The following NTNG1 variants were observed in gnomAD, a reference collection of about 807,000 sequenced individuals.
NTNG1 encodes netrin-G1.
Under a neutral mutation model 54.0 loss-of-function variants are expected in NTNG1, and 16 were observed. The observed-to-expected ratio is 0.30, with a 90% CI of 0.20 to 0.45. The LOEUF is 0.45. Ranked by LOEUF, NTNG1 falls within the 20% of genes least tolerant of loss-of-function variation. The pLI, the probability that NTNG1 is intolerant of heterozygous loss-of-function variation, is 1.00. For synonymous variants in NTNG1, 255 were observed against 263.1 expected (o/e 0.97, Z 0.30); for missense variants, 530 against 678.7 (o/e 0.78, Z 2.43).
In NTNG1 at chr1:107,148,729, G is replaced by A. The variant is rs1394230363; in HGVS notation, c.136G>A (p.Asp46Asn). 2 of 1,613,782 alleles carry A rather than the reference G, an allele frequency of 1.2e-6. No homozygotes were observed. Among genetic ancestry groups the A allele is most frequent in the Non-Finnish European group, 1.7e-6 (2 of 1,179,778 alleles). ...QIYTEEGKVW[D>N]YMACQPESTD... ...TTACACGGAAGAAGGGAAAGTTTGG[G>A]ATTACATGGCCTGCCAGCCGGAATC... is the stretch of plus-strand genomic sequence containing the variant. The change falls in exon 2 of 8, where the codon GAT (aspartate) becomes AAT (asparagine). Residue 46 changes from aspartate (D) to asparagine (N), a missense_variant. Physicochemically the swap from Asp to Asn is conservative, Grantham distance 23 (BLOSUM62 1). Around this residue, in one of 2 missense-constraint regions of NTNG1, gnomAD observed 318 missense variants for 465.1 expected, o/e 0.68. Coordinates refer to ENST00000370068, the MANE Select transcript of NTNG1 (RefSeq NM_001113226.3).
chr1:107,413,014 G>A (rs546786422), intron 5 of NTNG1, among the ~76,000 whole-genome samples: 4 of 152,130 alleles, frequency 2.6e-5, no homozygotes, highest in African/African-American at 7.2e-5. Context: ...TTTAATGATG[G>A]TGTGTTTCTG....
At chr1:107,228,993 C>T (rs372861590) in intron 2 of NTNG1, among the ~76,000 whole-genome samples, 55 of 152,202 alleles carry the variant, frequency 3.6e-4, no homozygotes, top group African/African-American at 1.3e-3. Context: ...TCCTCACCAG[C>T]AGGAAACTGA....
chr1:107,444,431 C>A (rs1387138187), intron 7 of NTNG1, among the ~76,000 whole-genome samples: 2 of 152,042 alleles, frequency 1.3e-5, no homozygotes, highest in East Asian at 1.9e-4. Context: ...AGCATCATAT[C>A]CTAAATACAT....
intron 2 of NTNG1, among the ~76,000 whole-genome samples, chr1:107,298,267 T>G (rs996307987): frequency 6.6e-6 from 1 of 152,170 alleles, no homozygotes; most frequent in Non-Finnish European, 1.5e-5. Flanking sequence ...AATTTTTAAA[T>G]TATTGGAGAT....
intron 2 of NTNG1, among the ~76,000 whole-genome samples, chr1:107,200,065 C>G (rs900298077): frequency 6.6e-6 from 1 of 151,774 alleles, no homozygotes; most frequent in African/African-American, 2.4e-5. Context: ...TGATTTGTTC[C>G]TTCTTTAGCC....
At chr1:107,146,169 T>C (rs1011054490) in intron 1 of NTNG1, among the ~76,000 whole-genome samples, 1 of 152,076 alleles carries the variant, frequency 6.6e-6, no homozygotes, top group Non-Finnish European at 1.5e-5. Flanking sequence ...CCATTCAAAC[T>C]CAAAACAGTC....
At chr1:107,371,971 A>G (rs1670945038) in intron 3 of NTNG1, among the ~76,000 whole-genome samples, 1 of 152,046 alleles carries the variant, frequency 6.6e-6, no homozygotes, top group Non-Finnish European at 1.5e-5. Context: ...TCAGCCCTCA[A>G]AAACATTTTA....
rs1195487445 is a variant in NTNG1, at chr1:107,455,533, G to A, written c.1390+18734G>A. On this transcript the variant is annotated intron_variant, in intron 7 of 7. Transcript: ENST00000370068. Reference sequence around the variant, plus strand: ...TTCTTCAACAGCTGTGTTAGTGTGCGTAAAAAGTAATAAATGCCTGACTCG... The same window carrying A: ...TTCTTCAACAGCTGTGTTAGTGTGCATAAAAAGTAATAAATGCCTGACTCG... The A allele has an allele frequency of 4.4e-5, 19 of 434,528 alleles. No homozygotes were observed. In the East Asian group the frequency reaches 9.3e-4, roughly 21 times the overall value. 26.9% of individuals were successfully genotyped at this position (434,528 alleles called of 1,614,324 possible). A position where few individuals can be genotyped will look rare whatever the true frequency, so the allele number is the denominator to read the frequency against.
intron 3 of NTNG1, chr1:107,333,940 T>G (rs192562492): frequency 6.6e-6 from 1 of 151,992 alleles, no homozygotes; most frequent in Admixed American, 6.6e-5. Flanking sequence ...TTTTTTGTTT[T>G]GTTTTTAGGC....
chr1:107,387,447 A>G (rs1315585773), intron 3 of NTNG1, among the ~76,000 whole-genome samples: 1 of 152,218 alleles, frequency 6.6e-6, no homozygotes, highest in Non-Finnish European at 1.5e-5. Flanking sequence ...GTCATGTGAA[A>G]TCTTGTTAAC....
intron 2 of NTNG1, among the ~76,000 whole-genome samples, chr1:107,268,906 A>G (rs1001390356): frequency 1.3e-5 from 2 of 152,134 alleles, no homozygotes; most frequent in African/African-American, 4.8e-5. Context: ...CAACAGATAT[A>G]TCTAGGAGCC....
intron 3 of NTNG1, among the ~76,000 whole-genome samples, chr1:107,339,973 G>A (rs1668804172): frequency 1.3e-5 from 2 of 152,046 alleles, no homozygotes; most frequent in South Asian, 4.1e-4. Context: ...CAATGATAAG[G>A]ATGTGCATAA....
chr1:107,217,210 AG>A (rs1660028190), intron 2 of NTNG1, among the ~76,000 whole-genome samples: 1 of 152,018 alleles, frequency 6.6e-6, no homozygotes, highest in Non-Finnish European at 1.5e-5. Context: ...CATCTCCTCT[AG>A]GTTTTCTAGT....
At chr1:107,313,457 C>G (rs995703734) in intron 2 of NTNG1, among the ~76,000 whole-genome samples, 1 of 152,038 alleles carries the variant, frequency 6.6e-6, no homozygotes, top group Non-Finnish European at 1.5e-5. Context: ...ATAGATGGAT[C>G]TGAGGTTCAC....
intron 3 of NTNG1, among the ~76,000 whole-genome samples, chr1:107,393,862 A>G (rs1672514058): frequency 6.6e-6 from 1 of 152,168 alleles, no homozygotes; most frequent in Non-Finnish European, 1.5e-5. Context: ...TTATCTTCCT[A>G]CCTAAGAAAG....
chr1:107,322,253 A>G (rs1667701436), intron 2 of NTNG1, among the ~76,000 whole-genome samples: 1 of 152,116 alleles, frequency 6.6e-6, no homozygotes, highest in Non-Finnish European at 1.5e-5. Context: ...AACACAACTT[A>G]CTACAAACAT....
chr1:107,397,001 C>A (rs529538071), intron 4 of NTNG1, among the ~76,000 whole-genome samples: 17 of 152,294 alleles, frequency 1.1e-4, no homozygotes, highest in African/African-American at 3.9e-4. Context: ...TTGTTTCATC[C>A]AAGCTTTCGC....
chr1:107,215,860 C>T (rs1243120595), intron 2 of NTNG1, among the ~76,000 whole-genome samples: 2 of 151,422 alleles, frequency 1.3e-5, no homozygotes, highest in Non-Finnish European at 2.9e-5. Flanking sequence ...CTTTTTACCT[C>T]CTTGGTTAAG....
chr1:107,413,542 C>T (rs1359325628), intron 5 of NTNG1, among the ~76,000 whole-genome samples: 28 of 152,092 alleles, frequency 1.8e-4, no homozygotes, highest in Admixed American at 1.8e-3. Flanking sequence ...GTAATTTTAT[C>T]TCCACCAGAT....
Sources: allele counts gnomAD v4.1 joint callset (sites outside exome capture counted in the v4.1 genomes callset), GRCh38; gene constraint gnomAD v4.1.1; regional missense constraint gnomAD v4.1.1; transcripts MANE v1.5; gene names NCBI Gene and HGNC (gene_info 2026-07-23, HGNC 2026-07-21).